Variants in ATP9A observed in about 807,000 individuals in gnomAD.
ATP9A encodes ATPase phospholipid transporting 9A, also known as probable phospholipid-transporting ATPase IIA.
ATP9A carries 52 observed loss-of-function variants against 144.1 expected under a neutral mutation model. The observed-to-expected ratio is 0.36, with a 90% CI of 0.29 to 0.45. The LOEUF (loss-of-function observed/expected upper bound fraction) is 0.45. Among genes scored for constraint, ATP9A ranks in the 20% least tolerant of loss-of-function variants. The pLI is 1.00. For synonymous variants in ATP9A, 582 were observed against 557.4 expected (o/e 1.04, Z -0.62); for missense variants, 947 against 1,392.7 (o/e 0.68, Z 5.09).
At chr20:51,688,742 A>T (rs2077534503) in intron 9 of ATP9A, among the ~76,000 whole-genome samples, 1 of 152,100 alleles carries the variant, frequency 6.6e-6, no homozygotes, top group Admixed American at 6.5e-5. Flanking sequence ...CATACCCTAC[A>T]AACACAGCCT....
intron 9 of ATP9A, among the ~76,000 whole-genome samples, chr20:51,676,563 C>T (rs2077478116): frequency 6.6e-6 from 1 of 152,188 alleles, no homozygotes; most frequent in African/African-American, 2.4e-5. Context: ...ACTGCAACCT[C>T]TACCTCCTGG....
chr20:51,689,284 C>A, intron 8 of ATP9A, 145 bp from the exon 9 acceptor site: 2 of 702,416 alleles, frequency 2.8e-6, no homozygotes, highest in Admixed American at 5.5e-5. Flanking sequence ...ACGGCTCCAC[C>A]ATGAGGGGAG....
intron 3 of ATP9A, among the ~76,000 whole-genome samples, chr20:51,718,621 C>T (rs868389136): frequency 1.7e-4 from 25 of 150,790 alleles, no homozygotes; most frequent in African/African-American, 5.4e-4. Flanking sequence ...AGTTCGAGAC[C>T]AGCCTGGCCA....
At position 51,657,204 on chromosome 20, in the gene ATP9A, A is replaced by T. The variant is rs371650564; in HGVS notation, c.1294-54T>A. On this transcript the variant is annotated intron_variant, in intron 13 of 27. Coordinates refer to ENST00000338821, the MANE Select transcript of ATP9A (RefSeq NM_006045.3). ...ATGACCAGAGGCAGGAATGATTTGG[A>T]GAGTGGAAGAACAGCCGTGCAGCTA... 112 of 1,486,892 alleles carry T rather than the reference A, an allele frequency of 7.5e-5. No individual in the cohort carries two copies. The African/African-American group carries it at 1.1e-3, about 15-fold the overall frequency. 92.1% of individuals were successfully genotyped at this position (1,486,892 alleles called of 1,614,324 possible).
chr20:51,638,375 C>T lies in ATP9A; in HGVS notation c.1668+968G>A, dbSNP rs199619219. Among the ~76,000 whole-genome samples the T allele has an allele frequency of 3.3e-5, 5 of 150,204 alleles. No homozygotes were observed. In the East Asian group the frequency reaches 5.9e-4, roughly 18 times the overall value. On this transcript the variant is annotated intron_variant, in intron 15 of 27. Coordinates refer to ENST00000338821, the MANE Select transcript of ATP9A (RefSeq NM_006045.3). ...AGATCTGAAGGAGAGTTTTCTGCAA[C>T]GAAGCTAAATGATGTGAGGAACCAC...
At chr20:51,672,246 T>G (rs551635664) in intron 11 of ATP9A, among the ~76,000 whole-genome samples, 2 of 152,310 alleles carry the variant, frequency 1.3e-5, no homozygotes, top group African/African-American at 4.8e-5. Context: ...ATTTCCTTCC[T>G]TTTGAAGGCT....
chr20:51,661,927 T>A (rs1317302845), intron 13 of ATP9A, among the ~76,000 whole-genome samples: 3 of 152,224 alleles, frequency 2.0e-5, no homozygotes, highest in African/African-American at 4.8e-5. Context: ...CCATATATCA[T>A]CATCATTCTC....
intron 8 of ATP9A, among the ~76,000 whole-genome samples, chr20:51,689,662 T>A (rs2077538546): frequency 6.6e-6 from 1 of 151,284 alleles, no homozygotes; most frequent in African/African-American, 2.4e-5. Flanking sequence ...CCTCAGGAGA[T>A]CCGCTCACCT....
intron 4 of ATP9A, among the ~76,000 whole-genome samples, chr20:51,707,948 G>GTTCAA (rs2077621596): frequency 6.6e-6 from 1 of 151,888 alleles, no homozygotes; most frequent in Non-Finnish European, 1.5e-5. Flanking sequence ...TTACTGCAGT[G>GTTCAA]TTCAACTCCT....
Position 51,674,210 on chromosome 20 carries a change from C to T in ATP9A, c.980G>A (p.Arg327His), listed in dbSNP as rs756678556. ...GAAGCGGATGATCTGCAGGTACCAA[C>T]GGCCTGCAAAGTGCTGAAGGGCAAC... is the stretch of plus-strand genomic sequence containing the variant. ...VMVALQHFAG[R>H]WYLQIIRFLL... The change falls in exon 11 of 28, where the codon CGT becomes CAT. Residue 327 changes from arginine (R) to histidine (H), a missense_variant. This residue lies in a region of ATP9A where 770 missense variants were observed against 1,047.9 expected (regional missense o/e 0.73). Transcript: ENST00000338821. 10 of 1,613,816 alleles carry T rather than the reference C, an allele frequency of 6.2e-6. No individual in the cohort carries two copies. Among genetic ancestry groups the T allele is most frequent in the East Asian group, 2.2e-5 (1 of 44,890 alleles).
intron 9 of ATP9A, among the ~76,000 whole-genome samples, chr20:51,680,225 TAAAAAAAA>T (rs11478096): frequency 8.1e-6 from 1 of 123,422 alleles, no homozygotes; most frequent in African/African-American, 3.2e-5. Context: ...GAGACTGTCT[TAAAAAAAA>T]AAAAAAAAAA....
intron 1 of ATP9A, among the ~76,000 whole-genome samples, chr20:51,763,529 G>T (rs371677642): frequency 6.6e-6 from 1 of 151,706 alleles, no homozygotes; most frequent in Non-Finnish European, 1.5e-5. Flanking sequence ...TAGCCAGGAT[G>T]GTCTGGATCT....
At chr20:51,603,515 T>C (rs1476385783) in intron 27 of ATP9A, among the ~76,000 whole-genome samples, 1 of 152,078 alleles carries the variant, frequency 6.6e-6, no homozygotes, top group African/African-American at 2.4e-5. Context: ...GTCCGTAGCA[T>C]AGCATGGGGT....
chr20:51,637,132 T>TTAC (rs2077295564), intron 15 of ATP9A, among the ~76,000 whole-genome samples: 1 of 151,938 alleles, frequency 6.6e-6, no homozygotes, highest in South Asian at 2.1e-4. Context: ...GTCATTCTTC[T>TTAC]TACTACTGCT....
At position 51,704,350 on chromosome 20, in the gene ATP9A, G is replaced by C. The variant is rs74573146; in HGVS notation, c.437-6868C>G. ...ATAAATACCTTTTGGGAATAACAGT[G>C]CAATTTGCAAGTTTGAGTTTCTGGT... On this transcript the variant is annotated intron_variant, in intron 4 of 27. Transcript: ENST00000338821. Among the ~76,000 whole-genome samples, 995 of 151,002 alleles carry C rather than the reference G, an allele frequency of 6.6e-3. 9 individuals carry two copies. The highest frequency in any genetic ancestry group is 0.023 in the African/African-American group (943 of 41,098).
intron 9 of ATP9A, among the ~76,000 whole-genome samples, chr20:51,686,332 T>G (rs1033060935): frequency 1.3e-5 from 2 of 151,352 alleles, no homozygotes; most frequent in African/African-American, 4.9e-5. Flanking sequence ...ACCTGCACGT[T>G]GTGCACATGT....
intron 14 of ATP9A, among the ~76,000 whole-genome samples, chr20:51,652,387 G>A (rs1460268527): frequency 2.0e-5 from 3 of 152,320 alleles, no homozygotes; most frequent in African/African-American, 7.2e-5. Context: ...TACGCCAACT[G>A]GTAGAAATTA....
At chr20:51,638,353 T>C (rs2077304186) in intron 15 of ATP9A, among the ~76,000 whole-genome samples, 1 of 147,476 alleles carries the variant, frequency 6.8e-6, no homozygotes, top group Admixed American at 6.8e-5. Context: ...ATCCTTAAGA[T>C]CTGAAGGAGA....
intron 14 of ATP9A, among the ~76,000 whole-genome samples, chr20:51,648,282 C>A (rs1568802022): frequency 6.6e-6 from 1 of 152,198 alleles, no homozygotes; most frequent in South Asian, 2.1e-4. Context: ...TGCCTGCCCT[C>A]CCCGGCACCA....
Sources: gnomAD v4.1 joint callset for allele counts (sites outside exome capture counted in the v4.1 genomes callset) on GRCh38, gnomAD v4.1.1 for gene constraint, gnomAD v4.1.1 regional missense constraint, MANE v1.5 for transcripts, NCBI Gene and HGNC (gene_info 2026-07-23, HGNC 2026-07-21) for gene names.